Variants in CCDC91 observed in about 807,000 individuals in gnomAD.
CCDC91 encodes the protein coiled-coil domain-containing protein 91.
In CCDC91, 48 loss-of-function variants were observed where a neutral mutation model predicts 63.2. That is an observed-to-expected ratio of 0.76 (90% CI 0.60 to 0.97). The LOEUF is 0.97. CCDC91 is among the 50% of genes least tolerant of loss of function. CCDC91 has a pLI of 0.00. For missense variants in CCDC91, 500 were observed against 494.6 expected, an observed-to-expected ratio of 1.01 and a Z score of -0.10; for synonymous variants, 167 against 165.8, an observed-to-expected ratio of 1.01 and a Z score of -0.06.
At chr12:28,386,102 G>C (rs1404392562) in intron 7 of CCDC91, among the ~76,000 whole-genome samples, 5 of 152,162 alleles carry the variant, frequency 3.3e-5, no homozygotes, top group Admixed American at 3.3e-4. Context: ...AAAAAATTGA[G>C]ATCTCTGGTC....
chr12:28,282,733 G>T (rs1948681279), intron 3 of CCDC91, among the ~76,000 whole-genome samples: 1 of 151,882 alleles, frequency 6.6e-6, no homozygotes, highest in African/African-American at 2.4e-5. Flanking sequence ...ATTTATTTTT[G>T]TTTTTACTGC....
intron 1 of CCDC91, among the ~76,000 whole-genome samples, chr12:28,206,513 A>G (rs777359029): frequency 8.5e-5 from 13 of 152,190 alleles, no homozygotes; most frequent in Non-Finnish European, 1.8e-4. Context: ...GATAATACCA[A>G]GGGTTTGGAG....
chr12:28,509,142 G>T (rs1354628413), intron 12 of CCDC91, among the ~76,000 whole-genome samples: 1 of 151,896 alleles, frequency 6.6e-6, no homozygotes, highest in Non-Finnish European at 1.5e-5. Flanking sequence ...ATCCTCTCAT[G>T]TAGTCTTTCT....
intron 11 of CCDC91, among the ~76,000 whole-genome samples, chr12:28,464,201 C>T (rs1194977480): frequency 1.3e-5 from 2 of 152,116 alleles, no homozygotes; most frequent in African/African-American, 2.4e-5. Context: ...ACTTGAGTTC[C>T]CCCAAGCCTT....
At chr12:28,338,846 C>G in intron 6 of CCDC91, among the ~76,000 whole-genome samples, 1 of 151,626 alleles carries the variant, frequency 6.6e-6, no homozygotes, top group Non-Finnish European at 1.5e-5. Context: ...CTTTTTCTTT[C>G]TTTCTTTTTT....
chr12:28,225,259 A>G (rs541933531), intron 1 of CCDC91, among the ~76,000 whole-genome samples: 1 of 152,226 alleles, frequency 6.6e-6, no homozygotes, highest in South Asian at 2.1e-4. Context: ...TCTGTGAAAC[A>G]GTACTGATAG....
intron 7 of CCDC91, among the ~76,000 whole-genome samples, chr12:28,383,147 G>A (rs1292970790): frequency 2.0e-5 from 3 of 152,044 alleles, no homozygotes; most frequent in Non-Finnish European, 4.4e-5. Context: ...AAGGCCAACA[G>A]GAATGATTCC....
intron 12 of CCDC91, among the ~76,000 whole-genome samples, chr12:28,517,790 C>A (rs1386525033): frequency 6.6e-6 from 1 of 151,768 alleles, no homozygotes; most frequent in African/African-American, 2.4e-5. Flanking sequence ...ACCTCCTTCC[C>A]ACCCTTTCCC....
At chr12:28,542,136 A>G (rs901476639) in intron 12 of CCDC91, among the ~76,000 whole-genome samples, 2 of 152,110 alleles carry the variant, frequency 1.3e-5, no homozygotes, top group African/African-American at 4.8e-5. Context: ...TTCTGCCCAG[A>G]TGATTTCTTG....
intron 1 of CCDC91, among the ~76,000 whole-genome samples, chr12:28,201,635 G>A (rs909957961): frequency 6.8e-6 from 1 of 146,862 alleles, no homozygotes; most frequent in Non-Finnish European, 1.5e-5. Flanking sequence ...TGGCGGCCGG[G>A]CAGAGGCTGC....
At chr12:28,198,022 G>A (rs937986741) in intron 1 of CCDC91, among the ~76,000 whole-genome samples, 7 of 152,034 alleles carry the variant, frequency 4.6e-5, no homozygotes, top group African/African-American at 1.4e-4. Context: ...TATAATTCTG[G>A]TAAAACAATT....
intron 3 of CCDC91, among the ~76,000 whole-genome samples, chr12:28,273,362 G>T (rs1298116645): frequency 6.6e-6 from 1 of 152,078 alleles, no homozygotes; most frequent in African/African-American, 2.4e-5. Flanking sequence ...CCCAGTAATG[G>T]GATTGCTGGG....
At chr12:28,336,203 G>A (rs1484489374) in intron 6 of CCDC91, among the ~76,000 whole-genome samples, 1 of 152,106 alleles carries the variant, frequency 6.6e-6, no homozygotes, top group Non-Finnish European at 1.5e-5. Flanking sequence ...TCCCAGAGTA[G>A]AACTGGTTGG....
In CCDC91 at chr12:28,415,954, A is replaced by G. The variant is rs150683733; in HGVS notation, c.762+24543A>G. ...TTGTCAGGCTGTGTCCTGAATATTCAGCACTGAGGAATGTGTTTTTTTTTT... is the reference window on the plus strand; with the variant it reads ...TTGTCAGGCTGTGTCCTGAATATTCGGCACTGAGGAATGTGTTTTTTTTTT... On this transcript the variant is annotated intron_variant, in intron 8 of 12. Transcript: ENST00000536442. Among the ~76,000 whole-genome samples the G allele has an allele frequency of 2.2e-3, 306 of 141,442 alleles. 1 individual carries two copies. The highest frequency in any genetic ancestry group is 3.5e-3 in the Non-Finnish European group (230 of 65,396). 92.8% of individuals were successfully genotyped at this position (141,442 alleles called of 152,430 possible).
chr12:28,270,578 T>C (rs1170932061), intron 3 of CCDC91, among the ~76,000 whole-genome samples: 1 of 152,154 alleles, frequency 6.6e-6, no homozygotes, highest in Non-Finnish European at 1.5e-5. Flanking sequence ...GTTAATTTTA[T>C]TTCAAGGAAA....
chr12:28,414,034 A>G (rs1947488745), intron 8 of CCDC91, among the ~76,000 whole-genome samples: 1 of 152,214 alleles, frequency 6.6e-6, no homozygotes, highest in Non-Finnish European at 1.5e-5. Flanking sequence ...TCTGTGATTT[A>G]CCACTTGGAG....
At chr12:28,535,824 C>G (rs1344561577) in intron 12 of CCDC91, among the ~76,000 whole-genome samples, 2 of 152,084 alleles carry the variant, frequency 1.3e-5, no homozygotes, top group East Asian at 3.9e-4. Context: ...GTCAGGAGAT[C>G]AAGACCATCC....
chr12:28,549,020 A>ATTTTTTTTTTTT, intron 12 of CCDC91, 43 bp from the exon 13 acceptor site: 1 of 1,298,574 alleles, frequency 7.7e-7, no homozygotes, highest in Non-Finnish European at 1.1e-6. Context: ...TCAACTCAGT[A>ATTTTTTTTTTTT]TTTTTTTTTC....
intron 12 of CCDC91, among the ~76,000 whole-genome samples, chr12:28,530,803 A>T (rs552216241): frequency 5.3e-5 from 8 of 152,228 alleles, no homozygotes; most frequent in African/African-American, 1.7e-4. Flanking sequence ...GACCACTGAA[A>T]GGAGTCTCCT....
Sources: allele counts gnomAD v4.1 joint callset (sites outside exome capture counted in the v4.1 genomes callset), GRCh38; gene constraint gnomAD v4.1.1; transcripts MANE v1.5; gene names NCBI Gene and HGNC (gene_info 2026-07-23, HGNC 2026-07-21).